The following EPB41L5 variants were observed in gnomAD, a reference collection of about 807,000 sequenced individuals.
EPB41L5 encodes the protein erythrocyte membrane protein band 4.1 like 5.
Under a neutral mutation model 106.6 loss-of-function variants are expected in EPB41L5, and 55 were observed. The observed-to-expected ratio is 0.52, with a 90% CI of 0.42 to 0.65. The LOEUF (loss-of-function observed/expected upper bound fraction) is 0.65. EPB41L5 is among the 30% of genes least tolerant of loss of function. EPB41L5 has a pLI of 0.00. For synonymous variants in EPB41L5, 297 were observed against 306.7 expected, an observed-to-expected ratio of 0.97 and a Z score of 0.33; for missense variants, 871 against 882.1, an observed-to-expected ratio of 0.99 and a Z score of 0.16.
intron 3 of EPB41L5, among the ~76,000 whole-genome samples, chr2:120,067,595 A>G (rs1007899932): frequency 3.3e-5 from 5 of 152,228 alleles, no homozygotes; most frequent in Non-Finnish European, 7.3e-5. Context: ...TGTGTCATGG[A>G]CATTTCGAAG....
chr2:120,097,151 T>G (rs1683810691), intron 14 of EPB41L5, among the ~76,000 whole-genome samples: 1 of 152,236 alleles, frequency 6.6e-6, no homozygotes, highest in Non-Finnish European at 1.5e-5. Context: ...AGTGATGCTT[T>G]TGACTCTGGA....
chr2:120,056,305 CTT>C (rs796441351), intron 3 of EPB41L5, among the ~76,000 whole-genome samples: 1 of 139,500 alleles, frequency 7.2e-6, no homozygotes. Context: ...GGTTTATAGT[CTT>C]TTTTTTTTTT....
chr2:120,145,558 G>A lies in EPB41L5; in HGVS notation c.1729-667G>A, dbSNP rs573192526. Among the ~76,000 whole-genome samples, 151 of 152,320 alleles carry A rather than the reference G, an allele frequency of 9.9e-4. 1 individual carries two copies. Among genetic ancestry groups the A allele is most frequent in the African/African-American group, 3.6e-3 (148 of 41,570 alleles). ...AGCCTCAAGGGAATATTGAGGCGGGGAGTGGGGGAGATAGTAGAAATGTTA... is the reference window on the plus strand; with the variant it reads ...AGCCTCAAGGGAATATTGAGGCGGGAAGTGGGGGAGATAGTAGAAATGTTA... On this transcript the variant is annotated intron_variant, in intron 19 of 24. Coordinates refer to ENST00000263713, the MANE Select transcript of EPB41L5 (RefSeq NM_020909.4).
chr2:120,018,247 G>A (rs1677678957), intron 1 of EPB41L5, among the ~76,000 whole-genome samples: 1 of 151,954 alleles, frequency 6.6e-6, no homozygotes, highest in South Asian at 2.1e-4. Flanking sequence ...AATTACAGCC[G>A]TGAGCCACCG....
chr2:120,138,538 C>T (rs1221320741), intron 18 of EPB41L5, among the ~76,000 whole-genome samples: 2 of 151,884 alleles, frequency 1.3e-5, no homozygotes, highest in African/African-American at 4.8e-5. Flanking sequence ...TACATGCCAA[C>T]AGCAAACAAA....
chr2:120,104,737 AT>A (rs1175921786), intron 16 of EPB41L5: 1 of 918,934 alleles, frequency 1.1e-6, no homozygotes, highest in East Asian at 1.2e-4. Flanking sequence ...ACATACCTTA[AT>A]TTAAGTGCCT....
intron 3 of EPB41L5, among the ~76,000 whole-genome samples, chr2:120,050,486 C>T (rs1332740222): frequency 1.3e-5 from 2 of 152,184 alleles, no homozygotes; most frequent in African/African-American, 2.4e-5. Flanking sequence ...ACGTCATTCT[C>T]GTGCCATGGT....
chr2:120,097,081 G>A (rs1380907095), intron 14 of EPB41L5, among the ~76,000 whole-genome samples: 1 of 152,126 alleles, frequency 6.6e-6, no homozygotes, highest in Non-Finnish European at 1.5e-5. Context: ...TATATATAGT[G>A]CCTGTTTTGG....
At chr2:120,133,484 G>A (rs1685793067) in intron 18 of EPB41L5, among the ~76,000 whole-genome samples, 1 of 152,134 alleles carries the variant, frequency 6.6e-6, no homozygotes, top group East Asian at 1.9e-4. Context: ...TTGGAACTCA[G>A]TGTTTGTTGG....
intron 2 of EPB41L5, among the ~76,000 whole-genome samples, chr2:120,027,757 A>T (rs1428442146): frequency 2.0e-5 from 3 of 152,102 alleles, no homozygotes; most frequent in South Asian, 4.1e-4. Flanking sequence ...GATTTTTGTG[A>T]TGGTTGCATA....
At chr2:120,082,903 T>C (rs557183275) in intron 10 of EPB41L5, among the ~76,000 whole-genome samples, 1 of 152,238 alleles carries the variant, frequency 6.6e-6, no homozygotes, top group South Asian at 2.1e-4. Context: ...GAGGTGTTTA[T>C]TGTATTCTCT....
At chr2:120,080,441 C>T (rs1311774422) in intron 10 of EPB41L5, among the ~76,000 whole-genome samples, 1 of 152,144 alleles carries the variant, frequency 6.6e-6, no homozygotes, top group Non-Finnish European at 1.5e-5. Flanking sequence ...ATGAACTCAT[C>T]CTTTTTTATG....
At chr2:120,128,166 A>G (rs1250267950) in intron 17 of EPB41L5, 1 of 172,894 alleles carries the variant, frequency 5.8e-6, no homozygotes, top group East Asian at 1.5e-4. Flanking sequence ...TGAACATCCC[A>G]TTAGCTGTTA....
chr2:120,131,531 G>A, intron 17 of EPB41L5, 87 bp from the exon 18 acceptor site: 1 of 807,874 alleles, frequency 1.2e-6, no homozygotes, highest in East Asian at 2.5e-5. Flanking sequence ...CTGATGTTGA[G>A]AAGACAAAAC....
chr2:120,022,330 C>T lies in EPB41L5; in HGVS notation c.180+3066C>T, dbSNP rs563850014. Among the ~76,000 whole-genome samples, 14 of 152,182 alleles carry T rather than the reference C, an allele frequency of 9.2e-5. No homozygotes were observed. In the South Asian group the frequency reaches 2.3e-3, roughly 25 times the overall value. On this transcript the variant is annotated intron_variant, in intron 2 of 24. Coordinates refer to ENST00000263713, the MANE Select transcript of EPB41L5 (RefSeq NM_020909.4). ...GTATTTCTCCTAATACTATCCCTCC[C>T]CTAACCCCCCACCCCCCGACAGGCC... is the stretch of plus-strand genomic sequence containing the variant.
At chr2:120,162,311 C>A (rs1687169555) in intron 21 of EPB41L5, among the ~76,000 whole-genome samples, 1 of 152,192 alleles carries the variant, frequency 6.6e-6, no homozygotes, top group Non-Finnish European at 1.5e-5. Context: ...AGTTTATTGC[C>A]AATGAATGTT....
chr2:120,119,248 C>T (rs1300821333), intron 16 of EPB41L5, among the ~76,000 whole-genome samples: 1 of 151,960 alleles, frequency 6.6e-6, no homozygotes, highest in Non-Finnish European at 1.5e-5. Flanking sequence ...AGATATATTG[C>T]AAAAATCTTC....
intron 2 of EPB41L5, among the ~76,000 whole-genome samples, chr2:120,030,631 A>G (rs531787059): frequency 9.9e-4 from 150 of 151,770 alleles, no homozygotes; most frequent in South Asian, 2.1e-3. Context: ...TTGGCTCACT[A>G]CAACTCCCGC....
At chr2:120,149,555 T>G (rs535790068) in intron 20 of EPB41L5, among the ~76,000 whole-genome samples, 1 of 152,242 alleles carries the variant, frequency 6.6e-6, no homozygotes, top group East Asian at 1.9e-4. Context: ...TGTACTATTA[T>G]GTATCAGGAC....
Sources: gnomAD v4.1 joint callset for allele counts (sites outside exome capture counted in the v4.1 genomes callset) on GRCh38, gnomAD v4.1.1 for gene constraint, MANE v1.5 for transcripts, NCBI Gene and HGNC (gene_info 2026-07-23, HGNC 2026-07-21) for gene names.